The following PCDHGA2 variants were observed in gnomAD, a reference collection of about 807,000 sequenced individuals.
PCDHGA2 encodes protocadherin gamma subfamily A, 2.
Under a neutral mutation model 59.2 loss-of-function variants are expected in PCDHGA2, and 40 were observed. That is an observed-to-expected ratio of 0.68 (90% CI 0.52 to 0.88). PCDHGA2 has a LOEUF of 0.88. Ranked by LOEUF, PCDHGA2 falls within the 40% of genes least tolerant of loss-of-function variation. The probability of loss-of-function intolerance (pLI) is 0.00; values close to 1 mark genes in which losing one functional copy is unlikely to be tolerated. For missense variants in PCDHGA2, 1,226 were observed against 1,204.0 expected (o/e 1.02, Z -0.27); for synonymous variants, 560 against 526.0 (o/e 1.06, Z -0.89).
In PCDHGA2 at chr5:141,511,036, G is replaced by T; in HGVS notation, c.2662G>T (p.Val888Leu). The T allele has an allele frequency of 1.2e-6, 2 of 1,614,200 alleles. No homozygotes were observed. The highest frequency in any genetic ancestry group is 1.7e-6 in the Non-Finnish European group (2 of 1,180,024). Residue 888 changes from valine to leucine, a missense_variant, in exon 4 of 4, where the codon GTG (valine) becomes TTG (leucine). Transcript: ENST00000394576. ...RYGPQFTLQHVPDYRQNVYIP... is the reference protein window; with the variant it reads ...RYGPQFTLQHLPDYRQNVYIP... Reference sequence around the variant, plus strand: ...CGGACCCCAGTTCACCCTGCAGCACGTGCCCGACTACCGCCAGAATGTCTA... The same window carrying T: ...CGGACCCCAGTTCACCCTGCAGCACTTGCCCGACTACCGCCAGAATGTCTA...
chr5:141,427,114 A>G (rs767478190), intron 1 of PCDHGA2: 1 of 457,522 alleles, frequency 2.2e-6, no homozygotes, highest in Non-Finnish European at 4.4e-6. Flanking sequence ...GAGATCACCT[A>G]CTCTTTCAAA....
intron 1 of PCDHGA2, chr5:141,397,999 G>GA (rs2093596115): frequency 2.9e-6 from 4 of 1,387,690 alleles, no homozygotes; most frequent in African/African-American, 2.9e-5. Flanking sequence ...TTCCTCCTCG[G>GA]AAAAAGAATC....
rs759146011 is a variant in PCDHGA2, at chr5:141,477,635, G to A, written c.2425-17172G>A. 6.2e-7 allele frequency: 1 copy of A among 1,614,138 alleles called. No homozygotes were observed. The highest frequency in any genetic ancestry group is 8.5e-7 in the Non-Finnish European group (1 of 1,180,040). On this transcript the variant is annotated intron_variant, in intron 1 of 3. Coordinates refer to ENST00000394576, the MANE Select transcript of PCDHGA2 (RefSeq NM_018915.4). This position sits in a 1 kb window ranked among gnomAD's most constrained non-coding sequence, Gnocchi z 4.9. ...GCAAGGAGCTGAAACCGGGCTAGTG[G>A]GTCGCTATTTCACAATAAATCGTGA...
At chr5:141,395,972 A>G (rs974737736) in intron 1 of PCDHGA2, 1 of 152,218 alleles carries the variant, frequency 6.6e-6, no homozygotes, top group African/African-American at 2.4e-5. Flanking sequence ...CAAAAACATT[A>G]GATCTGAATT....
At chr5:141,365,714 A>T in intron 1 of PCDHGA2, 3 of 1,613,646 alleles carry the variant, frequency 1.9e-6, no homozygotes, top group Non-Finnish European at 2.5e-6. Context: ...CACCTCTGTC[A>T]CAGAAAACAA....
intron 1 of PCDHGA2, chr5:141,385,487 A>T (rs1781222873): frequency 5.6e-6 from 8 of 1,416,434 alleles, no homozygotes; most frequent in Non-Finnish European, 6.4e-6. Context: ...TATAGAACAC[A>T]TAGGATATAG....
chr5:141,490,412 C>T lies in PCDHGA2; in HGVS notation c.2425-4395C>T, dbSNP rs2233605. 10 of 1,614,062 alleles carry T rather than the reference C, an allele frequency of 6.2e-6. No homozygotes were observed. The highest frequency in any genetic ancestry group is 4.0e-5 in the African/African-American group (3 of 74,910). Reference sequence around the variant, plus strand: ...GGTGAAGTGAGCCTTGATATCTCTCCGGACCTGCCATTTCAGATTAAGCCT... The same window carrying T: ...GGTGAAGTGAGCCTTGATATCTCTCTGGACCTGCCATTTCAGATTAAGCCT... On this transcript the variant is annotated intron_variant, in intron 1 of 3. Transcript: ENST00000394576. This position sits in a 1 kb window ranked among gnomAD's most constrained non-coding sequence, Gnocchi z 5.4.
chr5:141,434,795 T>C (rs1027924206), intron 1 of PCDHGA2, among the ~76,000 whole-genome samples: 2 of 152,004 alleles, frequency 1.3e-5, no homozygotes, highest in African/African-American at 2.4e-5. Context: ...TTTTTTTTTC[T>C]GAGCTTGGAG....
intron 1 of PCDHGA2, chr5:141,414,780 G>A (rs2095787223): frequency 1.2e-6 from 2 of 1,614,232 alleles, no homozygotes; most frequent in Non-Finnish European, 1.7e-6. Context: ...TACAGATGCA[G>A]GTGACAGCCA....
At chr5:141,381,475 GA>G (rs1777221405) in intron 1 of PCDHGA2, among the ~76,000 whole-genome samples, 1 of 152,226 alleles carries the variant, frequency 6.6e-6, no homozygotes, top group African/African-American at 2.4e-5. Context: ...GCTGTCTAGA[GA>G]TCCCTGTTTT....
chr5:141,491,800 C>G lies in PCDHGA2; in HGVS notation c.2425-3007C>G. The G allele has an allele frequency of 6.7e-7, 1 of 1,500,854 alleles. No individual in the cohort carries two copies. The highest frequency in any genetic ancestry group is 8.9e-7 in the Non-Finnish European group (1 of 1,125,316). 93.0% of individuals were successfully genotyped at this position (1,500,854 alleles called of 1,614,324 possible). A position where few individuals can be genotyped will look rare whatever the true frequency, so the allele number is the denominator to read the frequency against. ...GAACTTGCATCCACTCCTCTCCGGC[C>G]GGCTTGGTCGCTGGCTGCGCTCCAC... On this transcript the variant is annotated intron_variant, in intron 1 of 3. Transcript: ENST00000394576. The surrounding 1 kb of genome is among the most constrained non-coding windows in gnomAD (Gnocchi z 6.9).
chr5:141,389,019 G>T, intron 1 of PCDHGA2: 3 of 1,614,000 alleles, frequency 1.9e-6, no homozygotes, highest in South Asian at 1.1e-5. Context: ...ACACAATGGA[G>T]AAGTGACTTG....
At chr5:141,345,730 C>T (rs753389451) in intron 1 of PCDHGA2, 1 of 1,614,218 alleles carries the variant, frequency 6.2e-7, no homozygotes, top group Non-Finnish European at 8.5e-7. Flanking sequence ...CTGTACCCCG[C>T]CCTCCCCACA....
At chr5:141,385,488 T>G in intron 1 of PCDHGA2, 1 of 1,400,248 alleles carries the variant, frequency 7.1e-7, no homozygotes, top group Non-Finnish European at 9.3e-7. Flanking sequence ...ATAGAACACA[T>G]AGGATATAGT....
At chr5:141,399,147 C>T (rs2093760764) in intron 1 of PCDHGA2, 1 of 1,613,664 alleles carries the variant, frequency 6.2e-7, no homozygotes. Flanking sequence ...ATGACAATAG[C>T]CCAGAAGTTA....
chr5:141,414,576 G>A, intron 1 of PCDHGA2: 1 of 1,613,898 alleles, frequency 6.2e-7, no homozygotes, highest in Non-Finnish European at 8.5e-7. Context: ...ATATCCCAGA[G>A]AACAACGCCA....
intron 1 of PCDHGA2, among the ~76,000 whole-genome samples, chr5:141,387,047 TTGTGTAA>T (rs1005909383): frequency 1.3e-4 from 20 of 152,186 alleles, no homozygotes; most frequent in African/African-American, 4.8e-4. Flanking sequence ...AGTAAAATAA[TTGTGTAA>T]TGAGGAGAGG....
intron 1 of PCDHGA2, chr5:141,360,800 A>G: frequency 6.2e-7 from 1 of 1,613,960 alleles, no homozygotes. Context: ...GACCCACCTC[A>G]AAGTGGCACG....
rs775088983 is a variant in PCDHGA2, at chr5:141,341,178, A to G, written c.2207A>G (p.Gln736Arg). ...QASGGSLTGMQSSHFVGVDGV... is the reference protein window; with the variant it reads ...QASGGSLTGMRSSHFVGVDGV... ...TCAGGAGGCAGCTTGACAGGCATGC[A>G]GAGCTCGCACTTTGTGGGCGTGGAC... The change falls in exon 1 of 4, where the codon CAG becomes CGG. Residue 736 changes from glutamine (Q) to arginine (R), a missense_variant. Physicochemically the swap from Gln to Arg is conservative, Grantham distance 43. Coordinates refer to ENST00000394576, the MANE Select transcript of PCDHGA2 (RefSeq NM_018915.4). 20 of 1,613,658 alleles carry G rather than the reference A, an allele frequency of 1.2e-5. No homozygotes were observed. Among genetic ancestry groups the G allele is most frequent in the Non-Finnish European group, 1.7e-5 (20 of 1,179,574 alleles).
Sources: gnomAD v4.1 joint callset for allele counts (sites outside exome capture counted in the v4.1 genomes callset) on GRCh38, gnomAD v4.1.1 for gene constraint, Gnocchi (gnomAD v3.1) non-coding constraint, MANE v1.5 for transcripts, NCBI Gene and HGNC (gene_info 2026-07-23, HGNC 2026-07-21) for gene names.